KPNA3: variants seen among roughly 807,000 people sequenced by gnomAD.
KPNA3 encodes the protein importin subunit alpha-4.
A neutral mutation model predicts 73.8 loss-of-function variants in KPNA3; 13 were observed. The observed-to-expected ratio is 0.18, with a 90% CI of 0.11 to 0.28. The LOEUF (loss-of-function observed/expected upper bound fraction) is 0.28, where lower values mean the gene tolerates loss of function less well. Among genes scored for constraint, KPNA3 ranks in the 10% least tolerant of loss-of-function variants. The pLI is 1.00. For missense variants in KPNA3, 360 were observed against 618.1 expected, an observed-to-expected ratio of 0.58 and a Z score of 4.43; for synonymous variants, 186 against 206.9, an observed-to-expected ratio of 0.90 and a Z score of 0.87.
chr13:49,760,426 A>G (rs1015799508), intron 1 of KPNA3, among the ~76,000 whole-genome samples: 1 of 151,892 alleles, frequency 6.6e-6, no homozygotes, highest in African/African-American at 2.4e-5. Context: ...AAAAAAAAAA[A>G]AAAAAAGCAA....
At chr13:49,774,604 C>T (rs1954881265) in intron 1 of KPNA3, among the ~76,000 whole-genome samples, 1 of 152,102 alleles carries the variant, frequency 6.6e-6, no homozygotes, top group South Asian at 2.1e-4. Flanking sequence ...AGAAATAGGT[C>T]CAATATTTAC....
chr13:49,769,307 G>C (rs894390880), intron 1 of KPNA3, among the ~76,000 whole-genome samples: 4 of 151,990 alleles, frequency 2.6e-5, no homozygotes, highest in African/African-American at 9.7e-5. Context: ...TAATGCCCAC[G>C]CCATAAAATT....
intron 6 of KPNA3, among the ~76,000 whole-genome samples, chr13:49,730,950 T>A (rs534215948): frequency 1.2e-3 from 183 of 151,256 alleles, no homozygotes; most frequent in African/African-American, 4.4e-3. Context: ...CTGATTTTTT[T>A]TAATATTTTT....
chr13:49,778,492 T>A (rs1954914713), intron 1 of KPNA3, among the ~76,000 whole-genome samples: 1 of 152,244 alleles, frequency 6.6e-6, no homozygotes, highest in African/African-American at 2.4e-5. Flanking sequence ...AGTTGAACTC[T>A]TTAATTTGAC....
chr13:49,753,100 T>C (rs1375626029), intron 1 of KPNA3, among the ~76,000 whole-genome samples: 1 of 144,078 alleles, frequency 6.9e-6, no homozygotes, highest in Non-Finnish European at 1.5e-5. Context: ...AGATTTTAAA[T>C]TCATATAATA....
At chr13:49,723,757 C>T (rs1412875499) in intron 7 of KPNA3, among the ~76,000 whole-genome samples, 2 of 150,240 alleles carry the variant, frequency 1.3e-5, no homozygotes, top group African/African-American at 2.5e-5. Context: ...GTAGTCCCAG[C>T]TACTTGGGAG....
At chr13:49,759,670 C>T (rs951078399) in intron 1 of KPNA3, among the ~76,000 whole-genome samples, 17 of 152,122 alleles carry the variant, frequency 1.1e-4, no homozygotes, top group Non-Finnish European at 1.8e-4. Flanking sequence ...AGGGTTTGTG[C>T]TCCTTTGAGA....
intron 1 of KPNA3, among the ~76,000 whole-genome samples, chr13:49,749,749 G>A (rs1040170481): frequency 6.6e-6 from 1 of 152,088 alleles, no homozygotes; most frequent in Admixed American, 6.5e-5. Flanking sequence ...CTTCAAAGGC[G>A]AAAGTATCTG....
intron 1 of KPNA3, among the ~76,000 whole-genome samples, chr13:49,747,744 T>C (rs1432158459): frequency 6.6e-6 from 1 of 152,236 alleles, no homozygotes; most frequent in Non-Finnish European, 1.5e-5. Flanking sequence ...TCTTATACTT[T>C]AAATGATGAG....
intron 2 of KPNA3, among the ~76,000 whole-genome samples, chr13:49,741,379 T>C (rs913770165): frequency 3.9e-5 from 6 of 152,188 alleles, no homozygotes; most frequent in African/African-American, 1.4e-4. Context: ...ATTTCTCTGA[T>C]TAGTAATGTT....
intron 6 of KPNA3, among the ~76,000 whole-genome samples, chr13:49,728,031 C>G (rs1054502701): frequency 1.3e-5 from 2 of 151,870 alleles, no homozygotes; most frequent in Admixed American, 6.6e-5. Context: ...GTAAGGAGAT[C>G]GAGACCATCC....
chr13:49,792,582 G>T lies in KPNA3; in HGVS notation c.-76C>A. The T allele has an allele frequency of 1.5e-6, 1 of 650,822 alleles. No homozygotes were observed. Among genetic ancestry groups the T allele is most frequent in the Non-Finnish European group, 2.6e-6 (1 of 391,526 alleles). The allele number at this position is 650,822 out of a possible 1,614,324, so 40.3% of individuals were successfully genotyped here. ...GCGGCGAATCTTGGAGCGGGAGGGG[G>T]AGGAGGGGGAGAGCGGGAGGGGGGA... On this transcript the variant is annotated 5_prime_UTR_variant, in exon 1 of 17. Transcript: ENST00000261667.
At chr13:49,739,295 A>G (rs919574109) in intron 2 of KPNA3, among the ~76,000 whole-genome samples, 1 of 152,222 alleles carries the variant, frequency 6.6e-6, no homozygotes, top group Admixed American at 6.5e-5. Context: ...AGTTGAAAAT[A>G]TAAGTAACAG....
chr13:49,730,943 ATTTT>A (rs551649563), intron 6 of KPNA3, among the ~76,000 whole-genome samples: 2 of 150,614 alleles, frequency 1.3e-5, no homozygotes, highest in Non-Finnish European at 3.0e-5. Flanking sequence ...CGCCCGGCTG[ATTTT>A]TTTTAATATT....
chr13:49,792,538 T>TGCGGCTGCGGCGGCGGCTACTCCA lies in KPNA3; in HGVS notation c.-33_-32insTGGAGTAGCCGCCGCCGCAGCCGC. 1 of 1,340,988 alleles carries TGCGGCTGCGGCGGCGGCTACTCCA rather than the reference T, an allele frequency of 7.5e-7. No individual in the cohort carries two copies. The highest frequency in any genetic ancestry group is 9.9e-7 in the Non-Finnish European group (1 of 1,013,474). 83.1% of individuals were successfully genotyped at this position (1,340,988 alleles called of 1,614,324 possible). A position where few individuals can be genotyped will look rare whatever the true frequency, so the allele number is the denominator to read the frequency against. ...GCGCGGCTCCGGCGGCGGCTACTCCTGCGGCTGCGGCGGCGGCGGCGGCGA... is the reference window on the plus strand; with the variant it reads ...GCGCGGCTCCGGCGGCGGCTACTCCTGCGGCTGCGGCGGCGGCTACTCCAGCGGCTGCGGCGGCGGCGGCGGCGA... On this transcript the variant is annotated 5_prime_UTR_variant, in exon 1 of 17. Coordinates refer to ENST00000261667, the MANE Select transcript of KPNA3 (RefSeq NM_002267.4).
At chr13:49,765,724 C>T (rs914346793) in intron 1 of KPNA3, among the ~76,000 whole-genome samples, 14 of 152,134 alleles carry the variant, frequency 9.2e-5, no homozygotes, top group African/African-American at 3.4e-4. Context: ...CTTACAAAAC[C>T]ATTTATCTAC....
chr13:49,704,460 AATAAATAAATAAATAAATAAATAG>A (rs1954185926), intron 15 of KPNA3, among the ~76,000 whole-genome samples: 1 of 113,876 alleles, frequency 8.8e-6, no homozygotes, highest in East Asian at 2.2e-4. Flanking sequence ...TAAATAAATA[AATAAATAAATAAATAAATAAATAG>A]AAAGAAAGAA....
chr13:49,716,124 GT>G (rs1954302249), intron 10 of KPNA3, among the ~76,000 whole-genome samples: 3 of 152,146 alleles, frequency 2.0e-5, no homozygotes, highest in Non-Finnish European at 4.4e-5. Context: ...ACAGCTGGGT[GT>G]TAGGCACCCT....
intron 1 of KPNA3, among the ~76,000 whole-genome samples, chr13:49,788,058 T>C (rs1462256105): frequency 3.3e-5 from 5 of 152,180 alleles, no homozygotes; most frequent in Admixed American, 2.6e-4. Context: ...GGCCACTTAC[T>C]TAAGGGTTGT....
Sources: gnomAD v4.1 joint callset for allele counts (sites outside exome capture counted in the v4.1 genomes callset) on GRCh38, gnomAD v4.1.1 for gene constraint, MANE v1.5 for transcripts, NCBI Gene and HGNC (gene_info 2026-07-23, HGNC 2026-07-21) for gene names.